STK33: variants seen among roughly 807,000 people sequenced by gnomAD.
The protein encoded by STK33 is serine/threonine kinase 33.
Under a neutral mutation model 58.0 loss-of-function variants are expected in STK33, and 52 were observed. The ratio of observed to expected loss-of-function variants is 0.90; its 90% CI spans 0.72 to 1.13. STK33 has a LOEUF of 1.13. Ranked by LOEUF, STK33 falls within the 50% of genes most tolerant of loss-of-function variation. The pLI is 0.00. For missense variants in STK33, 630 were observed against 604.2 expected (o/e 1.04, Z -0.45); for synonymous variants, 215 against 200.1 (o/e 1.07, Z -0.63).
At chr11:8,589,259 A>G (rs1386579173) in intron 1 of STK33, among the ~76,000 whole-genome samples, 1 of 152,178 alleles carries the variant, frequency 6.6e-6, no homozygotes, top group Admixed American at 6.5e-5. Context: ...AAAGAAAATA[A>G]CCCAAATGGT....
At chr11:8,425,836 G>T (rs1342896479) in intron 14 of STK33, among the ~76,000 whole-genome samples, 1 of 151,678 alleles carries the variant, frequency 6.6e-6, no homozygotes, top group African/African-American at 2.4e-5. Context: ...AGGGCATGCA[G>T]TGGGGGGTGT....
At chr11:8,551,470 T>A (rs1238238101) in intron 1 of STK33, among the ~76,000 whole-genome samples, 1 of 152,158 alleles carries the variant, frequency 6.6e-6, no homozygotes, top group Non-Finnish European at 1.5e-5. Context: ...AGATCTTCAA[T>A]GCTTCTGGGT....
chr11:8,450,698 A>G (rs184189703), intron 11 of STK33, among the ~76,000 whole-genome samples: 1 of 152,326 alleles, frequency 6.6e-6, no homozygotes, highest in East Asian at 1.9e-4. Context: ...AGACAAAGGA[A>G]GCACAAAAGA....
At position 8,474,869 on chromosome 11, in the gene STK33, A is replaced by G; in HGVS notation, c.37T>C (p.Cys13Arg). The G allele has an allele frequency of 6.3e-7, 1 of 1,592,484 alleles. No homozygotes were observed. Among genetic ancestry groups the G allele is most frequent in the East Asian group, 2.3e-5 (1 of 44,342 alleles). Residue 13 changes from cysteine to arginine, a missense_variant, in exon 5 of 16, where the codon TGC becomes CGC. Transcript: ENST00000687296. Reference sequence around the variant, plus strand: ...TGAGAAGCAGATGAACAGTCGGGGCATTTTGTGGATTTTTTATCTAAGCCA... The same window carrying G: ...TGAGAAGCAGATGAACAGTCGGGGCGTTTTGTGGATTTTTTATCTAAGCCA... The part of the protein sequence containing the change: ...DSGLDKKSTK[C>R]PDCSSASQKD...
chr11:8,538,803 A>T (rs1955263748), intron 1 of STK33, among the ~76,000 whole-genome samples: 1 of 152,200 alleles, frequency 6.6e-6, no homozygotes, highest in South Asian at 2.1e-4. Flanking sequence ...GATGTCAGCT[A>T]CTTTTTTAAA....
chr11:8,441,466 C>A (rs139822879), intron 11 of STK33, among the ~76,000 whole-genome samples: 11 of 152,026 alleles, frequency 7.2e-5, no homozygotes, highest in Non-Finnish European at 1.3e-4. Flanking sequence ...ATCATCCCAC[C>A]GCAGCTTCCT....
At chr11:8,579,895 T>C (rs182483355) in intron 1 of STK33, among the ~76,000 whole-genome samples, 2 of 152,238 alleles carry the variant, frequency 1.3e-5, no homozygotes, top group East Asian at 1.9e-4. Flanking sequence ...ATCAGAGAAA[T>C]GTAAATCAAA....
chr11:8,351,274 C>A, the STK33 span, among the ~76,000 whole-genome samples: 2 of 152,200 alleles, frequency 1.3e-5, no homozygotes, highest in South Asian at 2.1e-4. Flanking sequence ...CTCTGACTGG[C>A]CTCAAACCAA....
intron 11 of STK33, among the ~76,000 whole-genome samples, chr11:8,452,249 G>A (rs1946374014): frequency 1.3e-5 from 2 of 152,066 alleles, no homozygotes; most frequent in South Asian, 4.1e-4. Context: ...TTTAACATGA[G>A]TTAACAAAAG....
intron 14 of STK33, among the ~76,000 whole-genome samples, chr11:8,425,103 G>T (rs369598942): frequency 6.6e-6 from 1 of 150,438 alleles, no homozygotes; most frequent in Non-Finnish European, 1.5e-5. Context: ...TTCTTCTAGG[G>T]TTTTTATGGT....
At chr11:8,466,587 C>T (rs1948211106) in intron 6 of STK33, 1 of 152,266 alleles carries the variant, frequency 6.6e-6, no homozygotes, top group Non-Finnish European at 1.5e-5. Context: ...TGGCTGCTTT[C>T]ACAGGCTGAC....
downstream of STK33, among the ~76,000 whole-genome samples, chr11:8,390,096 T>C (rs1234872962): frequency 6.6e-6 from 1 of 152,206 alleles, no homozygotes; most frequent in Non-Finnish European, 1.5e-5. Flanking sequence ...CATATCCCCA[T>C]TTTCCTTCCT....
At chr11:8,509,116 C>CAAAAAAAAAAAAAAAAAAAAAAAAAAA (rs1161851155) in intron 1 of STK33, among the ~76,000 whole-genome samples, 1 of 45,416 alleles carries the variant, frequency 2.2e-5, no homozygotes, top group Non-Finnish European at 4.4e-5. Context: ...AACTCTGTCT[C>CAAAAAAAAAAAAAAAAAAAAAAAAAAA]AAAAAAAAAA....
chr11:8,563,566 G>C (rs1957253859), intron 1 of STK33, among the ~76,000 whole-genome samples: 2 of 152,106 alleles, frequency 1.3e-5, no homozygotes, highest in African/African-American at 4.8e-5. Context: ...TTCTTCAATA[G>C]CAACAGTCTT....
intron 14 of STK33, among the ~76,000 whole-genome samples, chr11:8,433,208 G>A (rs985780058): frequency 6.6e-6 from 1 of 151,908 alleles, no homozygotes; most frequent in Non-Finnish European, 1.5e-5. Context: ...CATGGAAGAG[G>A]GCAAACATAA....
intron 1 of STK33, among the ~76,000 whole-genome samples, chr11:8,572,779 T>A (rs192041170): frequency 6.6e-6 from 1 of 151,268 alleles, no homozygotes; most frequent in African/African-American, 2.4e-5. Flanking sequence ...ATACAATACC[T>A]AAAATGAAAA....
chr11:8,382,918 C>G, the STK33 span, among the ~76,000 whole-genome samples: 21 of 152,296 alleles, frequency 1.4e-4, no homozygotes, highest in South Asian at 4.1e-3. Flanking sequence ...TCCCCACAGG[C>G]AACACACTGC....
At chr11:8,475,109 C>T (rs1286004844) in intron 4 of STK33, 43 bp from the exon 5 acceptor site, 16 of 452,208 alleles carry the variant, frequency 3.5e-5, no homozygotes, top group Non-Finnish European at 1.5e-5. Context: ...AATTCTTAAC[C>T]TATTACCATC....
chr11:8,531,607 G>A (rs1370113879), intron 1 of STK33, among the ~76,000 whole-genome samples: 2 of 152,172 alleles, frequency 1.3e-5, no homozygotes, highest in Non-Finnish European at 2.9e-5. Context: ...GCTCACATAT[G>A]GGCTCTCCAG....
Sources: gnomAD v4.1 joint callset for allele counts (sites outside exome capture counted in the v4.1 genomes callset) on GRCh38, gnomAD v4.1.1 for gene constraint, MANE v1.5 for transcripts, NCBI Gene and HGNC (gene_info 2026-07-23, HGNC 2026-07-21) for gene names.